Variants in FRMPD2 observed in about 807,000 individuals in gnomAD.
The protein encoded by FRMPD2 is FERM and PDZ domain-containing protein 2.
FRMPD2 carries 96 observed loss-of-function variants against 140.1 expected under a neutral mutation model. The ratio of observed to expected loss-of-function variants is 0.69; its 90% CI spans 0.58 to 0.81. FRMPD2 has a LOEUF of 0.81. Among genes scored for constraint, FRMPD2 ranks in the 40% least tolerant of loss-of-function variants. FRMPD2 has a pLI of 0.00. For missense variants in FRMPD2, 1,240 were observed against 1,447.4 expected (o/e 0.86, Z 2.32); for synonymous variants, 449 against 547.6 (o/e 0.82, Z 2.52).
chr10:48,247,722 T>C (rs980433258), intron 3 of FRMPD2, among the ~76,000 whole-genome samples: 3 of 152,212 alleles, frequency 2.0e-5, no homozygotes, highest in Non-Finnish European at 4.4e-5. Context: ...CCTTTAGCAG[T>C]CACACAGAAA....
chr10:48,248,981 G>A (rs745777493), intron 3 of FRMPD2, 40 bp downstream of exon 3: 59 of 1,553,196 alleles, frequency 3.8e-5, no homozygotes, highest in Non-Finnish European at 5.0e-5. Flanking sequence ...CTTTCCCAGG[G>A]CACAGGACTC....
chr10:48,228,480 T>C (rs1839774598), intron 10 of FRMPD2, among the ~76,000 whole-genome samples: 1 of 151,976 alleles, frequency 6.6e-6, no homozygotes. Context: ...TTATATACTT[T>C]TGTCTCCTCA....
At chr10:48,222,016 GGATGGATA>G (rs1475724205) in intron 12 of FRMPD2, among the ~76,000 whole-genome samples, 4 of 150,914 alleles carry the variant, frequency 2.7e-5, no homozygotes, top group South Asian at 2.1e-4. Context: ...ATGGATGGAT[GGATGGATA>G]GATGGATGGA....
At chr10:48,267,234 T>C (rs1181860187) in intron 1 of FRMPD2, among the ~76,000 whole-genome samples, 11 of 152,124 alleles carry the variant, frequency 7.2e-5, no homozygotes, top group Admixed American at 7.2e-4. Flanking sequence ...ACCAAGATGA[T>C]TCAGATGTCA....
chr10:48,207,017 A>G, intron 13 of FRMPD2, 84 bp from the exon 14 acceptor site: 1 of 1,200,014 alleles, frequency 8.3e-7, no homozygotes, highest in South Asian at 1.6e-5. Flanking sequence ...CATGCAAAAC[A>G]CACTGATAGG....
At chr10:48,189,359 T>A (rs900801108) in intron 16 of FRMPD2, among the ~76,000 whole-genome samples, 2 of 152,160 alleles carry the variant, frequency 1.3e-5, no homozygotes, top group Non-Finnish European at 2.9e-5. Context: ...TGATGTGAAG[T>A]CAGAGGCCAC....
At chr10:48,252,617 C>T (rs1455546168) in intron 1 of FRMPD2, among the ~76,000 whole-genome samples, 2 of 152,284 alleles carry the variant, frequency 1.3e-5, no homozygotes, top group East Asian at 3.9e-4. Context: ...CAGCCTCCTC[C>T]AGCCTCAGGA....
At chr10:48,244,922 A>G in intron 3 of FRMPD2, 73 bp from the exon 4 acceptor site, 4 of 1,150,556 alleles carry the variant, frequency 3.5e-6, no homozygotes, top group Non-Finnish European at 5.2e-6. Context: ...GAAAAATACA[A>G]TCCAATTTCC....
At chr10:48,203,843 G>T (rs760921185) in intron 14 of FRMPD2, among the ~76,000 whole-genome samples, 3 of 152,140 alleles carry the variant, frequency 2.0e-5, no homozygotes, top group Non-Finnish European at 2.9e-5. Flanking sequence ...TAAGACCACT[G>T]ACTCTTTCTA....
chr10:48,210,527 G>T (rs919968964), intron 13 of FRMPD2, among the ~76,000 whole-genome samples: 5 of 152,164 alleles, frequency 3.3e-5, no homozygotes, highest in African/African-American at 7.2e-5. Context: ...GACATCTGCC[G>T]CAGGGTTGGG....
intron 6 of FRMPD2, among the ~76,000 whole-genome samples, chr10:48,240,090 A>G (rs184159109): frequency 1.5e-3 from 232 of 152,334 alleles, no homozygotes; most frequent in Non-Finnish European, 2.7e-3. Flanking sequence ...TGTTTGTTTC[A>G]ATTTGGATTT....
intron 16 of FRMPD2, among the ~76,000 whole-genome samples, chr10:48,189,617 T>A (rs1423805747): frequency 6.6e-6 from 1 of 152,132 alleles, no homozygotes; most frequent in Non-Finnish European, 1.5e-5. Context: ...ACCACATCTG[T>A]CATGCTCACC....
chr10:48,244,854 C>T lies in FRMPD2; in HGVS notation c.310-5G>A. 1 of 1,603,396 alleles carries T rather than the reference C, an allele frequency of 6.2e-7. No homozygotes were observed. ...TCCTAAAGAATAGACATGCATCTGC[C>T]CAAAAGAAGAGTACATGATTAGATT... On this transcript the variant is annotated splice_region_variant and splice_polypyrimidine_tract_variant and intron_variant, in intron 3 of 28. Transcript: ENST00000374201.
chr10:48,237,583 T>C (rs1839996518), intron 8 of FRMPD2, among the ~76,000 whole-genome samples: 1 of 152,054 alleles, frequency 6.6e-6, no homozygotes, highest in African/African-American at 2.4e-5. Context: ...GAAGGATAAC[T>C]CTCTCCTCCC....
At chr10:48,254,750 A>G (rs1588857169) in intron 1 of FRMPD2, among the ~76,000 whole-genome samples, 2 of 152,364 alleles carry the variant, frequency 1.3e-5, no homozygotes, top group African/African-American at 4.8e-5. Context: ...GATGAGGAAC[A>G]AAGAGGTTAA....
At chr10:48,273,856 C>G (rs557748650) in intron 1 of FRMPD2, among the ~76,000 whole-genome samples, 2 of 151,322 alleles carry the variant, frequency 1.3e-5, no homozygotes, top group Admixed American at 6.6e-5. Flanking sequence ...GAAATAGACA[C>G]GACTCATCTC....
chr10:48,179,587 T>G (rs1483181082), intron 21 of FRMPD2, among the ~76,000 whole-genome samples: 1 of 151,594 alleles, frequency 6.6e-6, no homozygotes, highest in Non-Finnish European at 1.5e-5. Flanking sequence ...AAGGCTCACA[T>G]GTCACATAAA....
At chr10:48,250,798 T>TA (rs200340141) in intron 2 of FRMPD2, among the ~76,000 whole-genome samples, 1,541 of 145,200 alleles carry the variant, frequency 0.011, 30 homozygotes, top group African/African-American at 0.038. Flanking sequence ...GGTCTGCCTT[T>TA]TTTTTTTTTT....
At chr10:48,274,382 T>C (rs757552247) in intron 1 of FRMPD2, among the ~76,000 whole-genome samples, 161 bp downstream of exon 1, 1 of 152,226 alleles carries the variant, frequency 6.6e-6, no homozygotes, top group Non-Finnish European at 1.5e-5. Flanking sequence ...GCTTAGCCAA[T>C]GGCCTGGAAC....
Sources: allele counts gnomAD v4.1 joint callset (sites outside exome capture counted in the v4.1 genomes callset), GRCh38; gene constraint gnomAD v4.1.1; transcripts MANE v1.5; gene names NCBI Gene and HGNC (gene_info 2026-07-23, HGNC 2026-07-21).